The following SUGCT variants were observed in gnomAD, a reference collection of about 807,000 sequenced individuals.
SUGCT encodes the protein succinyl-CoA:glutarate-CoA transferase, also known as succinyl-CoA:glutarate CoA-transferase.
A neutral mutation model predicts 55.0 loss-of-function variants in SUGCT; 41 were observed. The ratio of observed to expected loss-of-function variants is 0.74; its 90% CI spans 0.58 to 0.97. The LOEUF is 0.97. Ranked by LOEUF, SUGCT falls within the 50% of genes least tolerant of loss-of-function variation. The pLI, the probability that SUGCT is intolerant of heterozygous loss-of-function variation, is 0.00. For missense variants in SUGCT, 568 were observed against 547.8 expected (o/e 1.04, Z -0.37); for synonymous variants, 187 against 200.4 (o/e 0.93, Z 0.56).
At chr7:40,552,875 T>A (rs1211112437) in intron 12 of SUGCT, among the ~76,000 whole-genome samples, 1 of 151,072 alleles carries the variant, frequency 6.6e-6, no homozygotes, top group Non-Finnish European at 1.5e-5. Flanking sequence ...GAAATCCTGA[T>A]TTCTGTTTAT....
the SUGCT span, among the ~76,000 whole-genome samples, chr7:40,898,482 G>C: frequency 5.6e-5 from 6 of 107,202 alleles, no homozygotes; most frequent in African/African-American, 1.9e-4. Flanking sequence ...CGGGAGGTCG[G>C]GGGGGGGGGG....
chr7:40,229,253 T>C (rs909219436), intron 6 of SUGCT, among the ~76,000 whole-genome samples: 4 of 152,226 alleles, frequency 2.6e-5, no homozygotes, highest in African/African-American at 9.6e-5. Flanking sequence ...GTGCGGTGGC[T>C]CACGCCTGTA....
chr7:40,401,553 A>G (rs1786067915), intron 9 of SUGCT, among the ~76,000 whole-genome samples: 1 of 152,206 alleles, frequency 6.6e-6, no homozygotes, highest in African/African-American at 2.4e-5. Flanking sequence ...GCATTCAGGA[A>G]AGGTAGGTTA....
chr7:41,033,756 A>G, the SUGCT span, among the ~76,000 whole-genome samples: 15 of 152,196 alleles, frequency 9.9e-5, no homozygotes, highest in South Asian at 2.3e-3. Context: ...GTTTTGACTC[A>G]GGGGGTTCCT....
rs1349755469 is a variant in SUGCT, at chr7:40,458,928, G to A, written c.889-173G>A. ...TTATGAATGACAAACCCTTTCACCA[G>A]CATGTTCCATCCTAATCGTGTGCTT... On this transcript the variant is annotated intron_variant, in intron 10 of 13. Transcript: ENST00000335693. Among the ~76,000 whole-genome samples the A allele has an allele frequency of 2.0e-5, 3 of 152,102 alleles. No homozygotes were observed. In the East Asian group the frequency reaches 5.8e-4, roughly 29 times the overall value.
chr7:40,383,507 T>C (rs1784971770), intron 9 of SUGCT, among the ~76,000 whole-genome samples: 2 of 152,262 alleles, frequency 1.3e-5, no homozygotes, highest in South Asian at 4.1e-4. Flanking sequence ...TAGAAAGGAC[T>C]GTGCTACTTG....
At position 40,249,880 on chromosome 7, in the gene SUGCT, G is replaced by A. The variant is rs371002046; in HGVS notation, c.576+12154G>A. 1.6e-4 allele frequency among the ~76,000 whole-genome samples: 25 copies of A among 152,226 alleles called. No individual in the cohort carries two copies. In the South Asian group the frequency reaches 4.8e-3, roughly 29 times the overall value. ...CGGCTCACCGCAACCTCTGCCTCCT[G>A]GGTTCATGAGATTCTCCTGCCTCAA... On this transcript the variant is annotated intron_variant, in intron 7 of 13. Coordinates refer to ENST00000335693, the MANE Select transcript of SUGCT (RefSeq NM_001193313.2).
intron 1 of SUGCT, chr7:40,141,869 C>G (rs1214833665): frequency 2.4e-6 from 1 of 424,174 alleles, no homozygotes; most frequent in African/African-American, 2.0e-5. Context: ...ACAGATGGAA[C>G]AATGGTGAGC....
intron 9 of SUGCT, among the ~76,000 whole-genome samples, chr7:40,371,945 A>AAC (rs137960410): frequency 0.044 from 6,565 of 147,746 alleles, 152 homozygotes; most frequent in South Asian, 0.076. Context: ...ATACATCTCG[A>AAC]ACACACACAC....
chr7:40,920,806 A>G, the SUGCT span, among the ~76,000 whole-genome samples: 1 of 152,358 alleles, frequency 6.6e-6, no homozygotes, highest in South Asian at 2.1e-4. Flanking sequence ...TAGCCAAGAG[A>G]TAAATAAAAA....
At chr7:40,970,332 C>T in the SUGCT span, among the ~76,000 whole-genome samples, 6 of 152,136 alleles carry the variant, frequency 3.9e-5, no homozygotes, top group Non-Finnish European at 8.8e-5. Flanking sequence ...CCACCATGCC[C>T]AGCTAATTTT....
At chr7:41,004,077 C>T in the SUGCT span, among the ~76,000 whole-genome samples, 2 of 152,206 alleles carry the variant, frequency 1.3e-5, no homozygotes, top group South Asian at 4.1e-4. Flanking sequence ...GATCGCCCCA[C>T]TAAGGACATA....
intron 6 of SUGCT, among the ~76,000 whole-genome samples, chr7:40,216,593 T>C (rs1787663896): frequency 6.6e-6 from 1 of 150,484 alleles, no homozygotes; most frequent in African/African-American, 2.4e-5. Context: ...AGCTCACACA[T>C]GTAATCTCAG....
the SUGCT span, among the ~76,000 whole-genome samples, chr7:40,872,750 A>T: frequency 6.6e-6 from 1 of 152,246 alleles, no homozygotes; most frequent in Non-Finnish European, 1.5e-5. Flanking sequence ...TTAAATGAGG[A>T]ATTAACTGTA....
At chr7:40,508,798 C>T (rs1052830786) in intron 12 of SUGCT, among the ~76,000 whole-genome samples, 5 of 152,208 alleles carry the variant, frequency 3.3e-5, no homozygotes, top group Admixed American at 6.5e-5. Flanking sequence ...TACCCTGCCT[C>T]TTTCCAAGAT....
In SUGCT at chr7:40,749,568, T is replaced by C. The variant is rs1787903379; in HGVS notation, c.1153+71T>C. The C allele has an allele frequency of 8.1e-6, 10 of 1,232,686 alleles. No individual in the cohort carries two copies. The South Asian group carries it at 1.2e-4, about 15-fold the overall frequency. The allele number at this position is 1,232,686 out of a possible 1,614,324, so 76.4% of individuals were successfully genotyped here. On this transcript the variant is annotated intron_variant, in intron 13 of 13. Transcript: ENST00000335693. ...TGTCCCATATGCTGTTTACTACAGG[T>C]AGCTTATGAGCTCCCAAACAACTTT...
At position 40,565,993 on chromosome 7, in the gene SUGCT, G is replaced by GCACACACA. The variant is rs376444246; in HGVS notation, c.1089+69631_1089+69638dup. ...CACACACACACACACACACACACAC[G>GCACACACA]CACACACACACACACACACACACAC... On this transcript the variant is annotated intron_variant, in intron 12 of 13. Transcript: ENST00000335693. Among the ~76,000 whole-genome samples the GCACACACA allele has an allele frequency of 1.3e-3, 165 of 124,000 alleles. 2 individuals carry two copies. Among genetic ancestry groups the GCACACACA allele is most frequent in the African/African-American group, 5.8e-3 (140 of 24,332 alleles). The allele number at this position is 124,000 out of a possible 152,430, so 81.3% of individuals were successfully genotyped here. A position where few individuals can be genotyped will look rare whatever the true frequency, so the allele number is the denominator to read the frequency against.
chr7:40,165,317 A>G (rs889178109), intron 1 of SUGCT, among the ~76,000 whole-genome samples: 2 of 152,022 alleles, frequency 1.3e-5, no homozygotes, highest in African/African-American at 4.8e-5. Context: ...CAGATGAACC[A>G]CTTGTGTGGG....
At chr7:40,520,249 T>G (rs1238707648) in intron 12 of SUGCT, among the ~76,000 whole-genome samples, 1 of 152,108 alleles carries the variant, frequency 6.6e-6, no homozygotes, top group Non-Finnish European at 1.5e-5. Context: ...TTGATAGTTT[T>G]CAACAAATAG....
Sources: allele counts gnomAD v4.1 joint callset (sites outside exome capture counted in the v4.1 genomes callset), GRCh38; gene constraint gnomAD v4.1.1; transcripts MANE v1.5; gene names NCBI Gene and HGNC (gene_info 2026-07-23, HGNC 2026-07-21).